KL: variants seen among roughly 807,000 people sequenced by gnomAD.
KL encodes the protein alpha-klotho.
KL carries 62 observed loss-of-function variants against 84.2 expected under a neutral mutation model. The ratio of observed to expected loss-of-function variants is 0.74; its 90% CI spans 0.60 to 0.91. The LOEUF (loss-of-function observed/expected upper bound fraction) is 0.91, where lower values mean the gene tolerates loss of function less well. KL is among the 40% of genes least tolerant of loss of function. The pLI, the probability that KL is intolerant of heterozygous loss-of-function variation, is 0.00. For synonymous variants in KL, 528 were observed against 528.0 expected (o/e 1.00, Z 0.00); for missense variants, 1,261 against 1,305.7 (o/e 0.97, Z 0.53).
At chr13:33,036,584 G>A (rs1025594445) in intron 1 of KL, among the ~76,000 whole-genome samples, 2 of 152,098 alleles carry the variant, frequency 1.3e-5, no homozygotes, top group African/African-American at 4.8e-5. Context: ...TCTCAGGGAA[G>A]GTATCTCATT....
chr13:33,019,732 T>TGAGAGAGAGAGAGA lies in KL; in HGVS notation c.819+2485_819+2498dup, dbSNP rs59216104. On this transcript the variant is annotated intron_variant, in intron 1 of 4. Transcript: ENST00000380099. The stretch of plus-strand genomic sequence containing the variant: ...TGGTGTGTGTGTGTGTGTGTGTGTG[T>TGAGAGAGAGAGAGA]GAGAGAGAGAGAGAGAGAGAGAGAG... Among the ~76,000 whole-genome samples the TGAGAGAGAGAGAGA allele has an allele frequency of 5.4e-4, 72 of 133,452 alleles. 1 individual carries two copies. In the Middle Eastern group the frequency reaches 0.011, roughly 21 times the overall value. 87.5% of individuals were successfully genotyped at this position (133,452 alleles called of 152,430 possible).
At chr13:33,021,129 GA>G (rs1268028505) in intron 1 of KL, among the ~76,000 whole-genome samples, 4 of 152,204 alleles carry the variant, frequency 2.6e-5, no homozygotes, top group Non-Finnish European at 5.9e-5. Flanking sequence ...TTGGTGCTCA[GA>G]AGGTGGCTTC....
In KL at chr13:33,016,979, T is replaced by A; in HGVS notation, c.539T>A (p.Leu180Gln). Residue 180 changes from leucine to glutamine, a missense_variant, in exon 1 of 5, where the codon CTG becomes CAG. Physicochemically the swap from Leu to Gln is moderately radical, Grantham distance 113 (BLOSUM62 -2). Transcript: ENST00000380099. ...LRYYRRLLER[L>Q]RELGVQPVVT... The stretch of plus-strand genomic sequence containing the variant: ...TACTACCGGCGCCTGCTGGAGCGGC[T>A]GCGGGAGCTGGGCGTGCAGCCCGTG... The A allele has an allele frequency of 6.3e-7, 1 of 1,595,856 alleles. No homozygotes were observed. Among genetic ancestry groups the A allele is most frequent in the Non-Finnish European group, 8.5e-7 (1 of 1,173,824 alleles).
At chr13:33,054,927 T>C (rs976859165) in intron 2 of KL, 120 bp from the exon 3 acceptor site, 22 of 1,294,396 alleles carry the variant, frequency 1.7e-5, no homozygotes, top group Non-Finnish European at 2.3e-5. Flanking sequence ...ATCATTGGCT[T>C]ACCAAACGAG....
Position 33,054,116 on chromosome 13 carries a change from A to G in KL, c.1169A>G (p.Glu390Gly), listed in dbSNP as rs766971434. Residue 390 changes from glutamate (E) to glycine (G), a missense_variant, in exon 2 of 5, where the codon GAA (glutamate) becomes GGA (glycine). Coordinates refer to ENST00000380099, the MANE Select transcript of KL (RefSeq NM_004795.4). The stretch of plus-strand genomic sequence containing the variant: ...CCTCACATGAAGTTCCGCCAATTGG[A>G]ATCTCCCAACCTGAGGCAACTGCTT... ...LDPHMKFRQL[E>G]SPNLRQLLSW... 1.4e-5 allele frequency: 22 copies of G among 1,613,996 alleles called. No individual in the cohort carries two copies. The highest frequency in any genetic ancestry group is 1.9e-5 in the Non-Finnish European group (22 of 1,179,994).
intron 1 of KL, among the ~76,000 whole-genome samples, chr13:33,049,636 A>T (rs571832079): frequency 6.6e-6 from 1 of 152,180 alleles, no homozygotes; most frequent in African/African-American, 2.4e-5. Flanking sequence ...CCTCCAAAGC[A>T]TGGAAGGCTA....
chr13:33,056,408 T>TAAA (rs1347033357), intron 3 of KL, among the ~76,000 whole-genome samples: 1 of 152,206 alleles, frequency 6.6e-6, no homozygotes, highest in African/African-American at 2.4e-5. Flanking sequence ...AGGAAATAAA[T>TAAA]TAACACCATC....
At chr13:33,050,174 T>C (rs928479761) in intron 1 of KL, among the ~76,000 whole-genome samples, 1 of 152,246 alleles carries the variant, frequency 6.6e-6, no homozygotes, top group African/African-American at 2.4e-5. Context: ...TTAAAAATAG[T>C]ATTTAGATGA....
intron 1 of KL, among the ~76,000 whole-genome samples, chr13:33,019,106 A>T (rs1870478337): frequency 2.6e-5 from 4 of 152,164 alleles, no homozygotes; most frequent in Non-Finnish European, 5.9e-5. Context: ...TGAATGCTCC[A>T]TTTGCTGATG....
chr13:33,041,450 A>G (rs747010417), intron 1 of KL, among the ~76,000 whole-genome samples: 5 of 150,914 alleles, frequency 3.3e-5, no homozygotes, highest in Non-Finnish European at 7.4e-5. Context: ...TACTGTAAGT[A>G]TCTTTGAACT....
At chr13:33,055,819 T>A (rs1871936263) in intron 3 of KL, among the ~76,000 whole-genome samples, 1 of 152,256 alleles carries the variant, frequency 6.6e-6, no homozygotes, top group African/African-American at 2.4e-5. Flanking sequence ...AATGTCTTTT[T>A]TAGCAATAGT....
rs551505505 is a variant in KL at position 33,036,189 on chromosome 13, A to T, written c.820-17578A>T. ...CTATATTTGCATTTGACCAGCCCTA[A>T]CTAAAACAAGCTTAAGGAAGAAAAG... On this transcript the variant is annotated intron_variant, in intron 1 of 4. Coordinates refer to ENST00000380099, the MANE Select transcript of KL (RefSeq NM_004795.4). 2.6e-5 allele frequency among the ~76,000 whole-genome samples: 4 copies of T among 152,334 alleles called. No individual in the cohort carries two copies. The East Asian group carries it at 5.8e-4, about 22-fold the overall frequency.
intron 1 of KL, among the ~76,000 whole-genome samples, chr13:33,044,635 A>ATTTTTTTTTTTTTTT (rs1871453892): frequency 1.4e-5 from 1 of 72,292 alleles, no homozygotes. Flanking sequence ...AATGCAATTG[A>ATTTTTTTTTTTTTTT]TTTTCTTTTT....
At chr13:33,035,088 G>A (rs563785778) in intron 1 of KL, among the ~76,000 whole-genome samples, 22 of 152,260 alleles carry the variant, frequency 1.4e-4, no homozygotes, top group South Asian at 1.0e-3. Context: ...AGGCAAATGC[G>A]AAAGAAGGGG....
chr13:33,043,043 G>A (rs974536786), intron 1 of KL, among the ~76,000 whole-genome samples: 7 of 152,080 alleles, frequency 4.6e-5, no homozygotes, highest in Non-Finnish European at 8.8e-5. Flanking sequence ...CTTTTGGGGG[G>A]CTTATGTTGT....
Position 33,064,181 on chromosome 13 carries a change from A to G in KL, c.3034A>G (p.Lys1012Glu). 6.3e-7 allele frequency: 1 copy of G among 1,595,422 alleles called. No homozygotes were observed. The change falls in exon 5 of 5, where the codon AAA (lysine) becomes GAA (glutamate). Residue 1012 changes from lysine to glutamate, a missense_variant. By Grantham distance (56) the Lys-to-Glu change is moderately conservative. Coordinates refer to ENST00000380099, the MANE Select transcript of KL (RefSeq NM_004795.4). ...CTCGAAGAAAGGCAGAAGAAGTTAC[A>G]AATAGTTCTGAACATTTTTCTATTC... ...YYSKKGRRSY[K>E]
chr13:33,040,615 G>C (rs1220807328), intron 1 of KL, among the ~76,000 whole-genome samples: 1 of 152,002 alleles, frequency 6.6e-6, no homozygotes, highest in Admixed American at 6.6e-5. Flanking sequence ...TTATTTGTAG[G>C]ATTAAATTAA....
In KL at chr13:33,060,894, G is replaced by A; in HGVS notation, c.1815G>A (p.Leu605=). The A allele has an allele frequency of 6.2e-7, 1 of 1,614,136 alleles. No homozygotes were observed. Among genetic ancestry groups the A allele is most frequent in the Non-Finnish European group, 8.5e-7 (1 of 1,179,996 alleles). ...TGGACTGGGCCCTGATTCTCCCTCT[G>A]GGTAACCAGTCCCAGGTGAACCACA... ...FSLDWALILP[L]GNQSQVNHTI... The change falls in exon 4 of 5, where the codon CTG becomes CTA. Residue 605 remains leucine, a synonymous_variant. Transcript: ENST00000380099.
intron 4 of KL, among the ~76,000 whole-genome samples, chr13:33,062,759 C>T (rs112853088): frequency 0.012 from 1,771 of 151,286 alleles, 37 homozygotes; most frequent in African/African-American, 0.04. Context: ...CAACCAGGTC[C>T]AGGTTTGTTC....
Sources: allele counts gnomAD v4.1 joint callset (sites outside exome capture counted in the v4.1 genomes callset), GRCh38; gene constraint gnomAD v4.1.1; transcripts MANE v1.5; gene names NCBI Gene and HGNC (gene_info 2026-07-23, HGNC 2026-07-21).